DISP1: variants seen among roughly 807,000 people sequenced by gnomAD.
DISP1 encodes protein dispatched homolog 1.
DISP1 carries 30 observed loss-of-function variants against 37.3 expected under a neutral mutation model. That is an observed-to-expected ratio of 0.80 (90% CI 0.60 to 1.09). The LOEUF is 1.09. DISP1 is among the 50% of genes least tolerant of loss of function. The probability of loss-of-function intolerance (pLI) is 0.00; values close to 1 mark genes in which losing one functional copy is unlikely to be tolerated. For missense variants in DISP1, 1,598 were observed against 1,879.5 expected (o/e 0.85, Z 2.77); for synonymous variants, 634 against 690.2 (o/e 0.92, Z 1.28).
intron 1 of DISP1, among the ~76,000 whole-genome samples, chr1:222,833,360 C>G (rs1666242683): frequency 6.6e-6 from 1 of 152,188 alleles, no homozygotes; most frequent in African/African-American, 2.4e-5. Flanking sequence ...AAGGACATTT[C>G]TGTGGGTTCT....
At chr1:222,973,897 C>G (rs1195135397) in intron 3 of DISP1, among the ~76,000 whole-genome samples, 1 of 152,202 alleles carries the variant, frequency 6.6e-6, no homozygotes, top group Non-Finnish European at 1.5e-5. Context: ...TTGACTTGCT[C>G]TATGATCTTG....
At chr1:222,976,294 G>C (rs1193608265) in intron 3 of DISP1, among the ~76,000 whole-genome samples, 1 of 152,014 alleles carries the variant, frequency 6.6e-6, no homozygotes, top group Non-Finnish European at 1.5e-5. Context: ...AAATCCAAAG[G>C]GTTTTACAAA....
intron 2 of DISP1, among the ~76,000 whole-genome samples, chr1:222,935,101 A>G (rs1350932089): frequency 1.3e-5 from 2 of 152,192 alleles, no homozygotes; most frequent in Admixed American, 1.3e-4. Context: ...TCTAGGTATC[A>G]GCAGTATGGA....
At chr1:222,976,076 C>T (rs532283630) in intron 3 of DISP1, among the ~76,000 whole-genome samples, 22 of 152,092 alleles carry the variant, frequency 1.4e-4, no homozygotes, top group Admixed American at 4.6e-4. Flanking sequence ...AAAAATGTTC[C>T]CACTGAAGAT....
chr1:223,003,744 C>T lies in DISP1; in HGVS notation c.2347C>T (p.Leu783Phe), dbSNP rs1464718896. 1.2e-6 allele frequency: 2 copies of T among 1,614,030 alleles called. No individual in the cohort carries two copies. The highest frequency in any genetic ancestry group is 1.1e-5 in the South Asian group (1 of 91,084). ...TGAACGTGTTCACCATGGCGAGGAGCTCCACATGCCCATCACAGTAATCTG... is the reference window on the plus strand; with the variant it reads ...TGAACGTGTTCACCATGGCGAGGAGTTCCACATGCCCATCACAGTAATCTG... ...MFERVHHGEE[L>F]HMPITVIWGV... The change falls in exon 9 of 9, where the codon CTC becomes TTC. Residue 783 changes from leucine (L) to phenylalanine (F), a missense_variant. Coordinates refer to ENST00000675850, the MANE Select transcript of DISP1 (RefSeq NM_001377229.1). The surrounding 1 kb of genome is among the most constrained non-coding windows in gnomAD (Gnocchi z 4.3).
intron 1 of DISP1, among the ~76,000 whole-genome samples, chr1:222,863,700 A>G (rs1237512814): frequency 6.6e-6 from 1 of 152,024 alleles, no homozygotes; most frequent in Non-Finnish European, 1.5e-5. Flanking sequence ...TTTTTTATTT[A>G]TATTAGTTTG....
chr1:222,915,828 G>A (rs959760416), intron 1 of DISP1, among the ~76,000 whole-genome samples: 1 of 152,192 alleles, frequency 6.6e-6, no homozygotes, highest in African/African-American at 2.4e-5. Flanking sequence ...ACCATGACCT[G>A]CTTAGTAAAT....
At chr1:222,842,313 TAAA>T (rs1231331032) in intron 1 of DISP1, among the ~76,000 whole-genome samples, 81 of 148,910 alleles carry the variant, frequency 5.4e-4, no homozygotes, top group Non-Finnish European at 8.3e-4. Flanking sequence ...CCTGTCATTT[TAAA>T]AAAAAAAAAA....
intron 1 of DISP1, among the ~76,000 whole-genome samples, chr1:222,883,068 T>G (rs1414190489): frequency 1.3e-5 from 2 of 152,178 alleles, no homozygotes; most frequent in Non-Finnish European, 1.5e-5. Flanking sequence ...GAAAATAATT[T>G]CATGTGTTTT....
rs1176608154 is a variant in DISP1 at position 223,004,680 on chromosome 1, G to A, written c.3283G>A (p.Ala1095Thr). ...MAALTTFVAG[A>T]MMMPSTVLAY... Reference sequence around the variant, plus strand: ...TGCCCTGACCACCTTCGTGGCAGGGGCCATGATGATGCCCTCCACAGTTCT... The same window carrying A: ...TGCCCTGACCACCTTCGTGGCAGGGACCATGATGATGCCCTCCACAGTTCT... Residue 1095 changes from alanine to threonine, a missense_variant, in exon 9 of 9, where the codon GCC becomes ACC. Coordinates refer to ENST00000675850, the MANE Select transcript of DISP1 (RefSeq NM_001377229.1). This position sits in a 1 kb window ranked among gnomAD's most constrained non-coding sequence, Gnocchi z 4.9. 20 of 1,613,962 alleles carry A rather than the reference G, an allele frequency of 1.2e-5. No individual in the cohort carries two copies. Among genetic ancestry groups the A allele is most frequent in the East Asian group, 4.5e-5 (2 of 44,874 alleles).
rs533183842 is a variant in DISP1, at chr1:222,927,617, G to A, written c.-158-813G>A. On this transcript the variant is annotated intron_variant, in intron 1 of 8. Transcript: ENST00000675850. ...TGAAACTACTGTCCTCATATAGTTA[G>A]TACATCCTGCTACAAGAATTGCATA... Among the ~76,000 whole-genome samples, 15 of 152,154 alleles carry A rather than the reference G, an allele frequency of 9.9e-5. No homozygotes were observed. The East Asian group carries it at 1.7e-3, about 18-fold the overall frequency.
At chr1:222,997,969 C>A (rs932401198) in intron 8 of DISP1, among the ~76,000 whole-genome samples, 2 of 152,074 alleles carry the variant, frequency 1.3e-5, no homozygotes, top group Non-Finnish European at 2.9e-5. Context: ...GTATGGTTAT[C>A]ATTTTAGCTT....
At chr1:222,984,403 C>CA (rs143486728) in intron 4 of DISP1, among the ~76,000 whole-genome samples, 7,347 of 29,912 alleles carry the variant, frequency 0.25, 844 homozygotes, top group Admixed American at 0.28. Flanking sequence ...GACTCTGTCT[C>CA]AAAAAAAAAA....
intron 3 of DISP1, among the ~76,000 whole-genome samples, chr1:222,959,535 T>A (rs1189985305): frequency 5.3e-5 from 8 of 151,628 alleles, no homozygotes; most frequent in Non-Finnish European, 1.2e-4. Context: ...ACCCCGTCTC[T>A]ACTGAAAATA....
At chr1:222,860,241 ACAGGGTTTCTC>A (rs910038835) in intron 1 of DISP1, among the ~76,000 whole-genome samples, 2 of 152,112 alleles carry the variant, frequency 1.3e-5, no homozygotes, top group African/African-American at 4.8e-5. Flanking sequence ...TTTAGTAGAG[ACAGGGTTTCTC>A]CATGTTGGTC....
intron 1 of DISP1, among the ~76,000 whole-genome samples, chr1:222,858,549 T>C (rs1047640642): frequency 1.7e-4 from 26 of 151,888 alleles, no homozygotes; most frequent in Non-Finnish European, 1.0e-4. Flanking sequence ...AGGCAACCTG[T>C]AGAATGGGAA....
intron 1 of DISP1, among the ~76,000 whole-genome samples, chr1:222,912,159 TATA>T (rs1160709114): frequency 6.6e-6 from 1 of 152,110 alleles, no homozygotes; most frequent in African/African-American, 2.4e-5. Context: ...TGTCCAGAAT[TATA>T]ATGAATCTTT....
chr1:222,994,546 G>A (rs1471378213), intron 7 of DISP1, among the ~76,000 whole-genome samples: 1 of 152,118 alleles, frequency 6.6e-6, no homozygotes, highest in Admixed American at 6.5e-5. Context: ...AGGGTGATGT[G>A]TTGTGAAATT....
At chr1:222,948,161 C>G (rs1008860154) in intron 3 of DISP1, among the ~76,000 whole-genome samples, 2 of 152,176 alleles carry the variant, frequency 1.3e-5, no homozygotes, top group African/African-American at 4.8e-5. Context: ...TACAGAGTAA[C>G]AGTAACAGTG....
Sources: allele counts gnomAD v4.1 joint callset (sites outside exome capture counted in the v4.1 genomes callset), GRCh38; gene constraint gnomAD v4.1.1; non-coding constraint Gnocchi (gnomAD v3.1); transcripts MANE v1.5; gene names NCBI Gene and HGNC (gene_info 2026-07-23, HGNC 2026-07-21).